The following LGR6 variants were observed in gnomAD, a reference collection of about 807,000 sequenced individuals.
LGR6 encodes the protein leucine-rich repeat-containing G protein-coupled receptor 6.
LGR6 carries 45 observed loss-of-function variants against 69.4 expected under a neutral mutation model. That is an observed-to-expected ratio of 0.65 (90% CI 0.51 to 0.83). The LOEUF (loss-of-function observed/expected upper bound fraction) is 0.83, where lower values mean the gene tolerates loss of function less well. Ranked by LOEUF, LGR6 falls within the 40% of genes least tolerant of loss-of-function variation. LGR6 has a pLI of 0.00. For missense variants in LGR6, 1,108 were observed against 1,246.7 expected (o/e 0.89, Z 1.68); for synonymous variants, 538 against 555.0 (o/e 0.97, Z 0.43).
chr1:202,204,586 TCCTTCAAACACACACACCTCCA>T (rs1659004694), intron 1 of LGR6, among the ~76,000 whole-genome samples: 1 of 76,356 alleles, frequency 1.3e-5, no homozygotes, highest in Non-Finnish European at 2.5e-5. Context: ...AACACACACC[TCCTTCAAACACACACACCTCCA>T]AACACACACC....
At chr1:202,242,311 G>C (rs1450984837) in intron 4 of LGR6, among the ~76,000 whole-genome samples, 2 of 152,122 alleles carry the variant, frequency 1.3e-5, no homozygotes, top group African/African-American at 4.8e-5. Context: ...AAAGTACCAG[G>C]TTCTTAACCC....
intron 4 of LGR6, among the ~76,000 whole-genome samples, chr1:202,261,390 A>G (rs1664221088): frequency 1.3e-5 from 2 of 152,192 alleles, no homozygotes; most frequent in Middle Eastern, 3.4e-3. Flanking sequence ...AATTTCATCC[A>G]TGTCCCTACA....
chr1:202,250,759 A>G (rs976050655), intron 4 of LGR6, among the ~76,000 whole-genome samples: 3 of 152,178 alleles, frequency 2.0e-5, no homozygotes, highest in Non-Finnish European at 4.4e-5. Context: ...TATGTGGCAC[A>G]TAGTAGGCAC....
intron 1 of LGR6, chr1:202,197,359 TGTTTGATCAAG>T: frequency 7.5e-6 from 4 of 530,110 alleles, no homozygotes; most frequent in Non-Finnish European, 1.5e-5. Context: ...ATGCCAGCCC[TGTTTGATCAAG>T]GTTGGGAAGA....
intron 14 of LGR6, among the ~76,000 whole-genome samples, chr1:202,307,787 C>T (rs1653366199): frequency 6.6e-6 from 1 of 152,158 alleles, no homozygotes. Flanking sequence ...CTCAGGGGTT[C>T]CCTGCTTGAG....
intron 17 of LGR6, among the ~76,000 whole-genome samples, chr1:202,315,155 A>G (rs998484731): frequency 1.6e-4 from 25 of 152,232 alleles, no homozygotes; most frequent in African/African-American, 6.0e-4. Flanking sequence ...CTACTGTTAC[A>G]CAGGAGAGAA....
At chr1:202,239,024 G>T (rs1322982217) in intron 4 of LGR6, among the ~76,000 whole-genome samples, 2 of 152,154 alleles carry the variant, frequency 1.3e-5, no homozygotes, top group Admixed American at 1.3e-4. Flanking sequence ...TGAGGACGGG[G>T]CAGGGGTTTT....
intron 4 of LGR6, among the ~76,000 whole-genome samples, chr1:202,245,431 C>T (rs986929916): frequency 1.3e-5 from 2 of 152,102 alleles, no homozygotes; most frequent in African/African-American, 2.4e-5. Flanking sequence ...TTCTTTCAGC[C>T]GTAAATGCCG....
Position 202,318,872 on chromosome 1 carries a change from G to T in LGR6, c.2569G>T (p.Gly857Trp), listed in dbSNP as rs144773392. The T allele has an allele frequency of 7.4e-6, 12 of 1,613,658 alleles. No homozygotes were observed. The African/African-American group carries it at 1.2e-4, about 16-fold the overall frequency. The change falls in exon 18 of 18, where the codon GGG becomes TGG. Residue 857 changes from glycine (G) to tryptophan (W), a missense_variant. Gly to Trp is a radical substitution (Grantham distance 184). Transcript: ENST00000367278. Reference sequence around the variant, plus strand: ...AGGGCCCCTAGCCTATGCTGCGGCCGGGGAGCTGGAGAAGAGCTCCTGTGA... The same window carrying T: ...AGGGCCCCTAGCCTATGCTGCGGCCTGGGAGCTGGAGAAGAGCTCCTGTGA... ...DSGPLAYAAA[G>W]ELEKSSCDST... is the part of the protein sequence containing the mutation.
chr1:202,279,918 A>C (rs1665874883), intron 5 of LGR6, among the ~76,000 whole-genome samples: 1 of 151,990 alleles, frequency 6.6e-6, no homozygotes, highest in South Asian at 2.1e-4. Context: ...TTTTCCTTTC[A>C]CTTAAGAACA....
In LGR6 at chr1:202,300,915, G is replaced by A. The variant is rs759191889; in HGVS notation, c.852G>A (p.Gln284=). 2.4e-5 allele frequency: 39 copies of A among 1,611,086 alleles called. No individual in the cohort carries two copies. The highest frequency in any genetic ancestry group is 3.3e-5 in the Non-Finnish European group (39 of 1,178,134). Residue 284 remains glutamine, a synonymous_variant, in exon 8 of 18, where the codon CAG becomes CAA. Coordinates refer to ENST00000367278, the MANE Select transcript of LGR6 (RefSeq NM_001017403.2). ...CCTTCATGGGGAACCCTCTGCTACA[G>A]ACGATGTGAGTACTACTTTCTCTGG... ...EKAFMGNPLL[Q]TIHFYDNPIQ... is the part of the protein sequence containing the mutation.
chr1:202,297,370 C>T, intron 6 of LGR6, 138 bp from the exon 7 acceptor site: 1 of 679,482 alleles, frequency 1.5e-6, no homozygotes, highest in Admixed American at 2.5e-5. Context: ...AATGTGTTTC[C>T]AGACATTGGC....
At chr1:202,282,692 G>A (rs11801918) in intron 6 of LGR6, among the ~76,000 whole-genome samples, 1 of 152,198 alleles carries the variant, frequency 6.6e-6, no homozygotes, top group South Asian at 2.1e-4. Flanking sequence ...CTGACTATGT[G>A]TTGGCGCCTC....
At chr1:202,270,965 C>T (rs896630209) in intron 4 of LGR6, among the ~76,000 whole-genome samples, 1 of 152,148 alleles carries the variant, frequency 6.6e-6, no homozygotes, top group Non-Finnish European at 1.5e-5. Context: ...AAGCTGTTTC[C>T]CCAGAGCCTA....
At chr1:202,222,386 C>T (rs986770906) in intron 1 of LGR6, among the ~76,000 whole-genome samples, 3 of 151,956 alleles carry the variant, frequency 2.0e-5, no homozygotes, top group Non-Finnish European at 2.9e-5. Context: ...ACAATGAGGC[C>T]GCTAGTCAGG....
intron 1 of LGR6, among the ~76,000 whole-genome samples, chr1:202,198,062 C>T (rs139885528): frequency 0.012 from 1,803 of 152,324 alleles, 50 homozygotes; most frequent in African/African-American, 0.041. Flanking sequence ...CTTACGAATT[C>T]ACTCCCTTTA....
chr1:202,281,116 G>A, intron 6 of LGR6: 1 of 424,144 alleles, frequency 2.4e-6, no homozygotes, highest in Non-Finnish European at 4.2e-6. Context: ...TCTCCCTGTG[G>A]GCAGAGACCA....
intron 1 of LGR6, among the ~76,000 whole-genome samples, chr1:202,209,095 G>T (rs1439301658): frequency 6.6e-6 from 1 of 152,174 alleles, no homozygotes; most frequent in Admixed American, 6.5e-5. Flanking sequence ...TCACTGGGAA[G>T]TTCTTCCTAG....
intron 3 of LGR6, among the ~76,000 whole-genome samples, chr1:202,228,394 T>C (rs1571846561): frequency 6.6e-6 from 1 of 152,228 alleles, no homozygotes; most frequent in East Asian, 1.9e-4. Flanking sequence ...TACAGGTGGC[T>C]TTTCTTTGGC....
Sources: allele counts gnomAD v4.1 joint callset (sites outside exome capture counted in the v4.1 genomes callset), GRCh38; gene constraint gnomAD v4.1.1; transcripts MANE v1.5; gene names NCBI Gene and HGNC (gene_info 2026-07-23, HGNC 2026-07-21).